Variants in PELI2 observed in about 807,000 individuals in gnomAD.
PELI2 encodes E3 ubiquitin-protein ligase pellino homolog 2.
A neutral mutation model predicts 42.3 loss-of-function variants in PELI2; 23 were observed. The ratio of observed to expected loss-of-function variants is 0.54; its 90% CI spans 0.39 to 0.77. The LOEUF (loss-of-function observed/expected upper bound fraction) is 0.77. Ranked by LOEUF, PELI2 falls within the 30% of genes least tolerant of loss-of-function variation. The pLI is 0.00. For synonymous variants in PELI2, 245 were observed against 212.2 expected (o/e 1.15, Z -1.34); for missense variants, 463 against 553.2 (o/e 0.84, Z 1.64).
At chr14:56,218,324 A>G (rs1349067324) in intron 2 of PELI2, among the ~76,000 whole-genome samples, 1 of 152,270 alleles carries the variant, frequency 6.6e-6, no homozygotes, top group African/African-American at 2.4e-5. Context: ...AGACTAGTCT[A>G]GTGTTCAACA....
At chr14:56,255,178 C>A (rs1161154949) in intron 2 of PELI2, among the ~76,000 whole-genome samples, 1 of 152,178 alleles carries the variant, frequency 6.6e-6, no homozygotes, top group African/African-American at 2.4e-5. Context: ...TATAAAGACA[C>A]ATGCACACAT....
At chr14:56,256,789 A>G (rs892405149) in intron 2 of PELI2, among the ~76,000 whole-genome samples, 1 of 152,144 alleles carries the variant, frequency 6.6e-6, no homozygotes, top group African/African-American at 2.4e-5. Flanking sequence ...CCTCTCCTCT[A>G]CCCTGCATGC....
At chr14:56,244,078 T>A (rs1888069117) in intron 2 of PELI2, among the ~76,000 whole-genome samples, 2 of 152,124 alleles carry the variant, frequency 1.3e-5, no homozygotes, top group Non-Finnish European at 2.9e-5. Context: ...TCTTCCCAGA[T>A]CAAGTACAAA....
At chr14:56,152,949 A>T (rs1884418788) in intron 1 of PELI2, among the ~76,000 whole-genome samples, 1 of 152,146 alleles carries the variant, frequency 6.6e-6, no homozygotes, top group Non-Finnish European at 1.5e-5. Context: ...TCGTCTGGTG[A>T]GGTGGGCTTT....
chr14:56,259,260 T>C (rs1407366445), intron 2 of PELI2, among the ~76,000 whole-genome samples: 1 of 152,092 alleles, frequency 6.6e-6, no homozygotes, highest in Non-Finnish European at 1.5e-5. Flanking sequence ...CAGATGGAAA[T>C]TTAGATTTAT....
chr14:56,266,062 A>C (rs1414512578), intron 2 of PELI2, among the ~76,000 whole-genome samples: 1 of 152,050 alleles, frequency 6.6e-6, no homozygotes, highest in Admixed American at 6.5e-5. Context: ...CTGTTGATAC[A>C]TGCATATGCT....
chr14:56,161,511 G>A (rs761730766), intron 1 of PELI2, among the ~76,000 whole-genome samples: 2 of 152,168 alleles, frequency 1.3e-5, no homozygotes, highest in South Asian at 4.1e-4. Context: ...TTGACCTCGC[G>A]ATCCATCCGC....
chr14:56,286,982 T>C (rs1889666967), intron 3 of PELI2, among the ~76,000 whole-genome samples: 1 of 152,214 alleles, frequency 6.6e-6, no homozygotes, highest in South Asian at 2.1e-4. Context: ...CATCAAGACA[T>C]TAATTTAATA....
At chr14:56,252,488 G>T (rs1289579671) in intron 2 of PELI2, among the ~76,000 whole-genome samples, 1 of 152,164 alleles carries the variant, frequency 6.6e-6, no homozygotes, top group African/African-American at 2.4e-5. Context: ...ATGAGTGTTG[G>T]TGAAACACCT....
At chr14:56,281,681 C>T (rs1594711878) in intron 3 of PELI2, among the ~76,000 whole-genome samples, 1 of 152,126 alleles carries the variant, frequency 6.6e-6, no homozygotes, top group South Asian at 2.1e-4. Context: ...AGGTTAATGT[C>T]ACAAATATAT....
chr14:56,207,204 G>A (rs1886548899), intron 2 of PELI2, among the ~76,000 whole-genome samples: 1 of 152,052 alleles, frequency 6.6e-6, no homozygotes, highest in African/African-American at 2.4e-5. Context: ...TGACCACAAA[G>A]CTGGGAGAGA....
At chr14:56,257,358 A>C in intron 2 of PELI2, among the ~76,000 whole-genome samples, 1 of 150,288 alleles carries the variant, frequency 6.7e-6, no homozygotes, top group East Asian at 1.9e-4. Flanking sequence ...TGAAGAAAAT[A>C]AAATAAAATT....
chr14:56,124,767 G>A lies in PELI2; in HGVS notation c.77+6030G>A, dbSNP rs375835549. ...GGATGAGATGGGGATGACCACGATG[G>A]AGATAAGAGGGAAGGAGTGCTTTCC... On this transcript the variant is annotated intron_variant, in intron 1 of 5. Transcript: ENST00000267460. Among the ~76,000 whole-genome samples the A allele has an allele frequency of 8.7e-4, 132 of 152,324 alleles. 4 individuals carry two copies. Among genetic ancestry groups the A allele is most frequent in the Non-Finnish European group, 1.2e-3 (81 of 68,038 alleles).
intron 2 of PELI2, among the ~76,000 whole-genome samples, chr14:56,265,569 C>G (rs942638435): frequency 6.6e-6 from 1 of 151,800 alleles, no homozygotes; most frequent in African/African-American, 2.4e-5. Flanking sequence ...GATATAAAAC[C>G]AAAAATGTGA....
chr14:56,143,222 T>G (rs1883982214), intron 1 of PELI2, among the ~76,000 whole-genome samples: 1 of 152,202 alleles, frequency 6.6e-6, no homozygotes, highest in South Asian at 2.1e-4. Flanking sequence ...GTCAGTGTGT[T>G]CTTGTGGTTA....
chr14:56,185,707 G>A (rs1376532895), intron 2 of PELI2, among the ~76,000 whole-genome samples: 1 of 152,078 alleles, frequency 6.6e-6, no homozygotes, highest in Non-Finnish European at 1.5e-5. Context: ...TTTGACATTA[G>A]CATTTTTGTT....
intron 2 of PELI2, among the ~76,000 whole-genome samples, chr14:56,222,443 T>A (rs1408214774): frequency 1.3e-5 from 2 of 152,228 alleles, no homozygotes; most frequent in African/African-American, 4.8e-5. Flanking sequence ...AACATTAACA[T>A]CTACCACTTA....
intron 2 of PELI2, among the ~76,000 whole-genome samples, chr14:56,216,996 A>G (rs1299758152): frequency 6.6e-6 from 1 of 152,242 alleles, no homozygotes; most frequent in Non-Finnish European, 1.5e-5. Flanking sequence ...ATTGAGTTCT[A>G]GAAGTTATTT....
chr14:56,274,458 A>T (rs1347423220), intron 2 of PELI2, among the ~76,000 whole-genome samples: 2 of 152,224 alleles, frequency 1.3e-5, no homozygotes, highest in African/African-American at 4.8e-5. Context: ...TAAAATTTGG[A>T]TGAAAATTCT....
Sources: gnomAD v4.1 joint callset for allele counts (sites outside exome capture counted in the v4.1 genomes callset) on GRCh38, gnomAD v4.1.1 for gene constraint, MANE v1.5 for transcripts, NCBI Gene and HGNC (gene_info 2026-07-23, HGNC 2026-07-21) for gene names.